Variants in DENND2B observed in about 807,000 individuals in gnomAD.
DENND2B encodes DENN domain containing 2B, also known as DENN domain-containing protein 2B.
A neutral mutation model predicts 116.0 loss-of-function variants in DENND2B; 32 were observed. The observed-to-expected ratio is 0.28, with a 90% confidence interval of 0.21 to 0.37. The LOEUF (loss-of-function observed/expected upper bound fraction) is 0.37, where lower values mean the gene tolerates loss of function less well. Among genes scored for constraint, DENND2B ranks in the 10% least tolerant of loss-of-function variants. DENND2B has a pLI of 1.00. For synonymous variants in DENND2B, 588 were observed against 583.9 expected, an observed-to-expected ratio of 1.01 and a Z score of -0.10; for missense variants, 1,276 against 1,477.7, an observed-to-expected ratio of 0.86 and a Z score of 2.24.
intron 2 of DENND2B, 103 bp downstream of exon 2, chr11:8,750,518 T>C (rs1328820597): frequency 3.1e-6 from 3 of 981,260 alleles, no homozygotes; most frequent in East Asian, 2.4e-5. Flanking sequence ...ACCAGTCACC[T>C]GGATGACTGT....
intron 3 of DENND2B, among the ~76,000 whole-genome samples, chr11:8,853,617 T>C (rs2063088392): frequency 6.6e-6 from 1 of 152,200 alleles, no homozygotes. Context: ...GGTCTGAGTA[T>C]TAGTTAAAAT....
At chr11:8,903,661 C>G (rs146797127) in intron 1 of DENND2B, among the ~76,000 whole-genome samples, 1 of 152,000 alleles carries the variant, frequency 6.6e-6, no homozygotes, top group East Asian at 1.9e-4. Flanking sequence ...TAGAAGATCA[C>G]TTGAGTTCAG....
At chr11:8,867,135 T>C (rs1042891223) in intron 2 of DENND2B, among the ~76,000 whole-genome samples, 66 of 152,146 alleles carry the variant, frequency 4.3e-4, no homozygotes, top group African/African-American at 5.8e-4. Context: ...TCCAGAGCAC[T>C]AGCAAGTTCA....
intron 3 of DENND2B, among the ~76,000 whole-genome samples, chr11:8,855,115 A>C (rs1352461325): frequency 2.0e-5 from 3 of 151,478 alleles, no homozygotes; most frequent in Non-Finnish European, 4.4e-5. Flanking sequence ...ACTGCATTCC[A>C]GCCTGGGCAA....
intron 1 of DENND2B, among the ~76,000 whole-genome samples, chr11:8,762,617 T>C (rs2054877296): frequency 6.6e-6 from 1 of 152,142 alleles, no homozygotes; most frequent in Non-Finnish European, 1.5e-5. Flanking sequence ...TCCCAGCACT[T>C]TGGGAGGCCG....
In DENND2B at chr11:8,780,767, G is replaced by A. The variant is rs181685383; in HGVS notation, c.-26+29750C>T. Among the ~76,000 whole-genome samples, 5 of 152,340 alleles carry A rather than the reference G, an allele frequency of 3.3e-5. No homozygotes were observed. The East Asian group carries it at 9.6e-4, about 29-fold the overall frequency. On this transcript the variant is annotated intron_variant, in intron 1 of 19. Transcript: ENST00000313726. The stretch of plus-strand genomic sequence containing the variant: ...TGAAGCAATACTCAGAGGTCTAGGG[G>A]CTACGGCAGAAAAATCTGTTCAAGT...
chr11:8,719,033 C>A, intron 4 of DENND2B: 1 of 985,776 alleles, frequency 1.0e-6, no homozygotes, highest in Non-Finnish European at 1.2e-6. Context: ...CTCTGCTCAG[C>A]AGCAGGATTG....
rs778159281 is a variant in DENND2B at position 8,697,646 on chromosome 11, AAAG to A, written c.2941-13_2941-11del. On this transcript the variant is annotated splice_polypyrimidine_tract_variant and intron_variant, in intron 16 of 19. Transcript: ENST00000313726. Reference sequence around the variant, plus strand: ...TGTCTTCGTCGTCCATCTGCAGGAGAAAGAAAGCACAGTGACAATCATAGCTGA... The same window carrying A: ...TGTCTTCGTCGTCCATCTGCAGGAGAAAAGCACAGTGACAATCATAGCTGA... 1.2e-5 allele frequency: 19 copies of A among 1,596,210 alleles called. 1 individual carries two copies. The South Asian group carries it at 2.1e-4, about 18-fold the overall frequency.
intron 1 of DENND2B, among the ~76,000 whole-genome samples, chr11:8,886,486 C>G (rs527771097): frequency 9.2e-5 from 14 of 151,990 alleles, no homozygotes; most frequent in Non-Finnish European, 2.1e-4. Context: ...CAAACAGTTT[C>G]CTGAAATTGT....
intron 2 of DENND2B, among the ~76,000 whole-genome samples, chr11:8,738,989 T>C (rs953895876): frequency 5.3e-5 from 8 of 152,210 alleles, no homozygotes; most frequent in African/African-American, 1.7e-4. Flanking sequence ...ACCAGACTGT[T>C]TCCTCTCCCT....
chr11:8,900,812 C>CA (rs1212315837), intron 1 of DENND2B, among the ~76,000 whole-genome samples: 1 of 151,152 alleles, frequency 6.6e-6, no homozygotes, highest in Admixed American at 6.6e-5. Context: ...ACTAAAAATA[C>CA]AAAAAAATTA....
At chr11:8,853,341 C>T (rs963773667) in intron 3 of DENND2B, among the ~76,000 whole-genome samples, 5 of 151,880 alleles carry the variant, frequency 3.3e-5, no homozygotes, top group African/African-American at 7.3e-5. Context: ...ACAGCCTGGG[C>T]GACAAGAGCA....
intron 4 of DENND2B, among the ~76,000 whole-genome samples, chr11:8,838,782 A>C (rs542098777): frequency 6.0e-4 from 91 of 152,336 alleles, no homozygotes; most frequent in Non-Finnish European, 1.0e-3. Context: ...GAAAGCATTT[A>C]CGGAAAACTT....
chr11:8,730,403 G>A lies in DENND2B; in HGVS notation c.887C>T (p.Pro296Leu), dbSNP rs1349652781. The change falls in exon 3 of 20, where the codon CCG (proline) becomes CTG (leucine). Residue 296 changes from proline (P) to leucine (L), a missense_variant. This residue lies in a region of DENND2B where 856 missense variants were observed against 846.6 expected (regional missense o/e 1.01). Coordinates refer to ENST00000313726, the MANE Select transcript of DENND2B (RefSeq NM_213618.2). The surrounding 1 kb of genome is among the most constrained non-coding windows in gnomAD (Gnocchi z 4.1). Reference protein sequence around the residue: ...QKIEQVLKEQPGRGLPQLPSS... With the variant: ...QKIEQVLKEQLGRGLPQLPSS... ...GGGGAGCTGGGGGAGCCCCCGGCCC[G>A]GCTGCTCCTTCAGGACCTGTTCAAT... 1.9e-6 allele frequency: 3 copies of A among 1,606,500 alleles called. No individual in the cohort carries two copies. Among genetic ancestry groups the A allele is most frequent in the Non-Finnish European group, 2.5e-6 (3 of 1,179,960 alleles).
At chr11:8,699,679 G>T (rs974030262) in intron 14 of DENND2B, among the ~76,000 whole-genome samples, 13 of 152,200 alleles carry the variant, frequency 8.5e-5, no homozygotes, top group Non-Finnish European at 1.6e-4. Flanking sequence ...TCTCGGGTTT[G>T]GGGGGCACAT....
chr11:8,704,838 C>T (rs1038779238), intron 13 of DENND2B, among the ~76,000 whole-genome samples: 53 of 152,236 alleles, frequency 3.5e-4, no homozygotes, highest in African/African-American at 1.3e-3. Flanking sequence ...GCTGGGATTA[C>T]AGGCATGCGC....
At position 8,707,283 on chromosome 11, in the gene DENND2B, T is replaced by C. The variant is rs2042767492; in HGVS notation, c.2431-58A>G. The C allele has an allele frequency of 6.4e-7, 1 of 1,562,892 alleles. No homozygotes were observed. Among genetic ancestry groups the C allele is most frequent in the Non-Finnish European group, 8.7e-7 (1 of 1,151,528 alleles). The stretch of plus-strand genomic sequence containing the variant: ...GGTGTCAGGGCACTGCCCTTCCCCC[T>C]CCTGGCAGAGAAGAGGGCAGCCAAG... On this transcript the variant is annotated intron_variant, in intron 12 of 19. Coordinates refer to ENST00000313726, the MANE Select transcript of DENND2B (RefSeq NM_213618.2). This position sits in a 1 kb window ranked among gnomAD's most constrained non-coding sequence, Gnocchi z 4.8.
At chr11:8,893,105 A>G (rs921112149) in intron 1 of DENND2B, among the ~76,000 whole-genome samples, 6 of 152,230 alleles carry the variant, frequency 3.9e-5, no homozygotes, top group African/African-American at 1.4e-4. Flanking sequence ...ACGCAAATCA[A>G]TAAACATAAT....
intron 1 of DENND2B, among the ~76,000 whole-genome samples, chr11:8,798,082 A>C (rs1001628079): frequency 6.6e-6 from 1 of 152,082 alleles, no homozygotes; most frequent in Non-Finnish European, 1.5e-5. Flanking sequence ...TCTCTTTTAC[A>C]TCACCATTAT....
Sources: allele counts gnomAD v4.1 joint callset (sites outside exome capture counted in the v4.1 genomes callset), GRCh38; gene constraint gnomAD v4.1.1; regional missense constraint gnomAD v4.1.1; non-coding constraint Gnocchi (gnomAD v3.1); transcripts MANE v1.5; gene names NCBI Gene and HGNC (gene_info 2026-07-23, HGNC 2026-07-21).